The following ADARB2 variants were observed in gnomAD, a reference collection of about 807,000 sequenced individuals.
ADARB2 encodes adenosine deaminase RNA specific B2 (inactive).
Under a neutral mutation model 62.2 loss-of-function variants are expected in ADARB2, and 25 were observed. The ratio of observed to expected loss-of-function variants is 0.40; its 90% confidence interval spans 0.29 to 0.56. ADARB2 has a LOEUF of 0.56. ADARB2 is among the 20% of genes least tolerant of loss of function. The probability of loss-of-function intolerance (pLI) is 0.43; values close to 1 mark genes in which losing one functional copy is unlikely to be tolerated. For synonymous variants in ADARB2, 572 were observed against 500.8 expected (o/e 1.14, Z -1.90); for missense variants, 1,071 against 1,077.4 (o/e 0.99, Z 0.08).
At chr10:1,376,849 T>C (rs2131858613) in intron 2 of ADARB2, among the ~76,000 whole-genome samples, 1 of 107,264 alleles carries the variant, frequency 9.3e-6, no homozygotes, top group Non-Finnish European at 1.8e-5. Flanking sequence ...CACGTCAGGC[T>C]CAGCTTTGGT....
chr10:1,392,131 A>G (rs1459333366), intron 1 of ADARB2, among the ~76,000 whole-genome samples: 1 of 152,208 alleles, frequency 6.6e-6, no homozygotes, highest in Non-Finnish European at 1.5e-5. Context: ...GCTATTAAAA[A>G]TACATAAATC....
At chr10:1,581,703 G>A (rs1259933126) in intron 1 of ADARB2, among the ~76,000 whole-genome samples, 1 of 152,200 alleles carries the variant, frequency 6.6e-6, no homozygotes, top group Non-Finnish European at 1.5e-5. Flanking sequence ...TATAGACAGA[G>A]AATGTATACA....
At chr10:1,392,429 A>G (rs140258628) in intron 1 of ADARB2, among the ~76,000 whole-genome samples, 75 of 152,310 alleles carry the variant, frequency 4.9e-4, no homozygotes, top group African/African-American at 1.8e-3. Context: ...CCATAGCTGT[A>G]TATTCGAACA....
At chr10:1,258,675 A>G (rs1831103560) in intron 4 of ADARB2, among the ~76,000 whole-genome samples, 1 of 152,200 alleles carries the variant, frequency 6.6e-6, no homozygotes, top group South Asian at 2.1e-4. Flanking sequence ...CTACAAAGAG[A>G]CTTAGACTCC....
chr10:1,206,233 G>T (rs1472323025), intron 7 of ADARB2, among the ~76,000 whole-genome samples: 1 of 152,212 alleles, frequency 6.6e-6, no homozygotes, highest in Non-Finnish European at 1.5e-5. Flanking sequence ...ATCCCCAGGT[G>T]CGTCTCTCCA....
intron 1 of ADARB2, among the ~76,000 whole-genome samples, chr10:1,681,542 C>T (rs1834536524): frequency 6.6e-6 from 1 of 151,818 alleles, no homozygotes; most frequent in African/African-American, 2.4e-5. Flanking sequence ...CCTGGCTCTG[C>T]AATGAATTAT....
At chr10:1,580,794 G>T (rs1024635451) in intron 1 of ADARB2, among the ~76,000 whole-genome samples, 1 of 152,100 alleles carries the variant, frequency 6.6e-6, no homozygotes, top group East Asian at 1.9e-4. Context: ...GCCACCACTG[G>T]TATGTTTTCA....
At position 1,363,814 on chromosome 10, in the gene ADARB2, C is replaced by G; in HGVS notation, c.291G>C (p.Lys97Asn). 2 of 1,590,684 alleles carry G rather than the reference C, an allele frequency of 1.3e-6. No homozygotes were observed. The highest frequency in any genetic ancestry group is 8.5e-7 in the Non-Finnish European group (1 of 1,175,978). The change falls in exon 3 of 10, where the codon AAG becomes AAC. Residue 97 changes from lysine to asparagine, a missense_variant. Transcript: ENST00000381312. ...TCCCCTCCTCCAGCGGCCGCTTCCT[C>G]TTCGCGCCGGGCGCGCCGCCCCGGG... The part of the protein sequence containing the change: ...DRARGGAPGA[K>N]RKRPLEEGNG...
At chr10:1,299,325 G>T (rs1374972954) in intron 3 of ADARB2, among the ~76,000 whole-genome samples, 1 of 152,018 alleles carries the variant, frequency 6.6e-6, no homozygotes, top group African/African-American at 2.4e-5. Flanking sequence ...CTGCCTCACT[G>T]GGGGACGTGG....
At chr10:1,729,324 T>C (rs1226499131) in intron 1 of ADARB2, among the ~76,000 whole-genome samples, 1 of 152,218 alleles carries the variant, frequency 6.6e-6, no homozygotes, top group Non-Finnish European at 1.5e-5. Context: ...TCTGAGCTTG[T>C]ATATACTTTA....
intron 1 of ADARB2, among the ~76,000 whole-genome samples, chr10:1,711,235 G>A (rs185146120): frequency 3.8e-4 from 58 of 152,250 alleles, no homozygotes; most frequent in African/African-American, 1.4e-3. Flanking sequence ...TAAAACATGA[G>A]AAGCTGAGAA....
intron 4 of ADARB2, among the ~76,000 whole-genome samples, chr10:1,245,583 C>T (rs1452358227): frequency 8.7e-5 from 13 of 149,708 alleles, no homozygotes; most frequent in East Asian, 2.0e-4. Context: ...TGAGGACATG[C>T]GGTGTTTGGT....
intron 1 of ADARB2, among the ~76,000 whole-genome samples, chr10:1,725,788 G>A (rs368228618): frequency 1.1e-4 from 17 of 152,336 alleles, no homozygotes; most frequent in African/African-American, 3.8e-4. Flanking sequence ...CTAGAGGTGC[G>A]GGTGAAGCTA....
chr10:1,347,187 G>GGGATT, intron 3 of ADARB2, among the ~76,000 whole-genome samples: 1 of 152,328 alleles, frequency 6.6e-6, no homozygotes, highest in East Asian at 1.9e-4. Flanking sequence ...CTCCAGAAAT[G>GGGATT]GGATTAGAGG....
chr10:1,379,063 A>C lies in ADARB2; in HGVS notation c.187+11T>G, dbSNP rs1365189592. The C allele has an allele frequency of 6.2e-7, 1 of 1,608,092 alleles. No individual in the cohort carries two copies. Among genetic ancestry groups the C allele is most frequent in the African/African-American group, 1.3e-5 (1 of 74,672 alleles). On this transcript the variant is annotated intron_variant, in intron 2 of 9. Transcript: ENST00000381312. ...GGCCTTTGTGTACTTCGGGGAAGGG[A>C]AGTTGCTTACTGAGGGTGTCGTCAT...
rs145063126 is a variant in ADARB2, at chr10:1,616,154, C to G, written c.100+120897G>C. ...TGTTGACTAATTATACTTTTTCTCC[C>G]ATTTTTCTTGCCACCACATAGGAAG... is the stretch of plus-strand genomic sequence containing the variant. On this transcript the variant is annotated intron_variant, in intron 1 of 9. Transcript: ENST00000381312. 1.5e-3 allele frequency among the ~76,000 whole-genome samples: 227 copies of G among 152,288 alleles called. 1 individual carries two copies. Among genetic ancestry groups the G allele is most frequent in the African/African-American group, 5.4e-3 (223 of 41,566 alleles).
chr10:1,289,953 C>CATAG (rs1564247661), intron 3 of ADARB2: 1 of 152,268 alleles, frequency 6.6e-6, no homozygotes, highest in Non-Finnish European at 1.5e-5. Flanking sequence ...ACACGGCATA[C>CATAG]ATAGGCTGGT....
chr10:1,193,572 C>A (rs534069754), intron 8 of ADARB2, among the ~76,000 whole-genome samples: 1 of 152,094 alleles, frequency 6.6e-6, no homozygotes, highest in Non-Finnish European at 1.5e-5. Flanking sequence ...GCTCTTCAGT[C>A]GGCATTACTC....
rs763401645 is a variant in ADARB2, at chr10:1,557,399, C to T, written c.101-178239G>A. ...TCCTTGAAACCTGGCTGGAGGGAAACGGCAAACCCTGCCACCTGGAGTCGC... is the reference window on the plus strand; with the variant it reads ...TCCTTGAAACCTGGCTGGAGGGAAATGGCAAACCCTGCCACCTGGAGTCGC... On this transcript the variant is annotated intron_variant, in intron 1 of 9. Transcript: ENST00000381312. Among the ~76,000 whole-genome samples the T allele has an allele frequency of 8.5e-5, 13 of 152,254 alleles. No homozygotes were observed. In the South Asian group the frequency reaches 1.5e-3, roughly 17 times the overall value.
Sources: allele counts gnomAD v4.1 joint callset (sites outside exome capture counted in the v4.1 genomes callset), GRCh38; gene constraint gnomAD v4.1.1; transcripts MANE v1.5; gene names NCBI Gene and HGNC (gene_info 2026-07-23, HGNC 2026-07-21).